Variants in SEMA6D observed in about 807,000 individuals in gnomAD.
SEMA6D encodes semaphorin-6D.
SEMA6D carries 35 observed loss-of-function variants against 106.6 expected under a neutral mutation model. The observed-to-expected ratio is 0.33, with a 90% CI of 0.25 to 0.44. The LOEUF (loss-of-function observed/expected upper bound fraction) is 0.44, where lower values mean the gene tolerates loss of function less well. Among genes scored for constraint, SEMA6D ranks in the 20% least tolerant of loss-of-function variants. SEMA6D has a pLI of 1.00. For missense variants in SEMA6D, 1,185 were observed against 1,345.9 expected (o/e 0.88, Z 1.87); for synonymous variants, 499 against 487.7 (o/e 1.02, Z -0.31).
chr15:47,734,855 A>G (rs956969454), intron 1 of SEMA6D, among the ~76,000 whole-genome samples: 1 of 152,208 alleles, frequency 6.6e-6, no homozygotes, highest in African/African-American at 2.4e-5. Flanking sequence ...TTCTTGAGAA[A>G]GTTGAGCTGT....
At chr15:47,258,782 T>A (rs1221458690) in intron 1 of SEMA6D, among the ~76,000 whole-genome samples, 2 of 152,144 alleles carry the variant, frequency 1.3e-5, no homozygotes, top group African/African-American at 2.4e-5. Context: ...CATACATATT[T>A]ATTATCATAT....
chr15:47,324,335 ATTCT>A (rs1039521896), intron 1 of SEMA6D, among the ~76,000 whole-genome samples: 4 of 152,106 alleles, frequency 2.6e-5, no homozygotes, highest in African/African-American at 9.7e-5. Flanking sequence ...TTCATTTTTC[ATTCT>A]TCCAGCAAAA....
intron 1 of SEMA6D, among the ~76,000 whole-genome samples, chr15:47,325,722 T>C (rs547545630): frequency 1.7e-4 from 26 of 152,206 alleles, no homozygotes; most frequent in African/African-American, 3.6e-4. Flanking sequence ...CCATTTACCA[T>C]ACTGTTTTCC....
At chr15:47,460,547 G>A (rs1312491242) in intron 2 of SEMA6D, among the ~76,000 whole-genome samples, 2 of 152,012 alleles carry the variant, frequency 1.3e-5, no homozygotes, top group African/African-American at 4.8e-5. Flanking sequence ...GTGTGCTTGA[G>A]GACAGTGTAT....
At chr15:47,409,554 A>G (rs1394685766) in intron 1 of SEMA6D, among the ~76,000 whole-genome samples, 2 of 152,336 alleles carry the variant, frequency 1.3e-5, no homozygotes, top group Admixed American at 6.5e-5. Flanking sequence ...TAATGTCAAG[A>G]TACCTTCCAG....
At chr15:47,349,371 G>A (rs142972895) in intron 1 of SEMA6D, among the ~76,000 whole-genome samples, 28 of 152,222 alleles carry the variant, frequency 1.8e-4, no homozygotes, top group African/African-American at 3.6e-4. Context: ...TTATTTGTTC[G>A]TCCTTCATGA....
At chr15:47,751,555 C>T (rs563029150) in intron 1 of SEMA6D, among the ~76,000 whole-genome samples, 1 of 152,182 alleles carries the variant, frequency 6.6e-6, no homozygotes, top group South Asian at 2.1e-4. Context: ...CTAGTTCCAC[C>T]CCCTCTTCTT....
chr15:47,384,017 C>G (rs2039732599), intron 1 of SEMA6D, among the ~76,000 whole-genome samples: 1 of 152,160 alleles, frequency 6.6e-6, no homozygotes, highest in African/African-American at 2.4e-5. Flanking sequence ...TCCGTTATTG[C>G]TTATACCCAG....
intron 11 of SEMA6D, 61 bp downstream of exon 11, chr15:47,764,366 T>C (rs1333705634): frequency 1.9e-6 from 3 of 1,567,032 alleles, no homozygotes; most frequent in East Asian, 4.5e-5. Context: ...ATTGGAAGCA[T>C]CCCTCCTCAG....
chr15:47,586,602 A>T (rs1249982154), intron 3 of SEMA6D, among the ~76,000 whole-genome samples: 1 of 152,192 alleles, frequency 6.6e-6, no homozygotes, highest in Non-Finnish European at 1.5e-5. Flanking sequence ...CTCATATCCT[A>T]TCATTATATA....
upstream of SEMA6D, among the ~76,000 whole-genome samples, chr15:47,715,575 G>A (rs1018985221): frequency 1.3e-5 from 2 of 152,126 alleles, no homozygotes; most frequent in African/African-American, 2.4e-5. Flanking sequence ...GATCGACTCC[G>A]AAGTCTTCAC....
chr15:47,580,172 A>G (rs2076231752), intron 3 of SEMA6D, among the ~76,000 whole-genome samples: 1 of 152,150 alleles, frequency 6.6e-6, no homozygotes, highest in South Asian at 2.1e-4. Flanking sequence ...ACTTATATGG[A>G]GCGGAGGGAC....
At chr15:47,529,603 TAAAAA>T (rs67339779) in intron 3 of SEMA6D, among the ~76,000 whole-genome samples, 1 of 135,758 alleles carries the variant, frequency 7.4e-6, no homozygotes, top group Non-Finnish European at 1.6e-5. Flanking sequence ...TCTGTAGCAC[TAAAAA>T]AAAAAAAAAA....
At chr15:47,766,254 A>G (rs1443683704) in intron 15 of SEMA6D, 72 bp downstream of exon 15, 5 of 1,343,230 alleles carry the variant, frequency 3.7e-6, no homozygotes, top group Non-Finnish European at 5.2e-6. Context: ...AAATTGCAGA[A>G]AACTTCCAAT....
chr15:47,435,713 A>G, intron 2 of SEMA6D, among the ~76,000 whole-genome samples: 1 of 152,040 alleles, frequency 6.6e-6, no homozygotes, highest in East Asian at 1.9e-4. Flanking sequence ...GAGCTTAGAC[A>G]TTTTTTAAAA....
intron 1 of SEMA6D, among the ~76,000 whole-genome samples, chr15:47,193,077 GA>G (rs1484358853): frequency 6.6e-6 from 1 of 152,166 alleles, no homozygotes; most frequent in Non-Finnish European, 1.5e-5. Flanking sequence ...TGCCCTTGCA[GA>G]AACAAAGATC....
chr15:47,267,719 C>T (rs574597727), intron 1 of SEMA6D, among the ~76,000 whole-genome samples: 1 of 152,096 alleles, frequency 6.6e-6, no homozygotes, highest in Admixed American at 6.6e-5. Context: ...ATCTTTTTAT[C>T]TGTTGTTTTA....
intron 1 of SEMA6D, among the ~76,000 whole-genome samples, chr15:47,245,357 A>G (rs530056214): frequency 1.2e-3 from 186 of 152,268 alleles, no homozygotes; most frequent in African/African-American, 4.3e-3. Flanking sequence ...AGCCTTTTTA[A>G]TAGTAGCCAT....
At chr15:47,354,438 GA>G (rs1235047989) in intron 1 of SEMA6D, among the ~76,000 whole-genome samples, 2 of 146,504 alleles carry the variant, frequency 1.4e-5, no homozygotes, top group Admixed American at 1.4e-4. Context: ...TATATATATG[GA>G]ACAAGAGACA....
Sources: gnomAD v4.1 joint callset for allele counts (sites outside exome capture counted in the v4.1 genomes callset) on GRCh38, gnomAD v4.1.1 for gene constraint, MANE v1.5 for transcripts, NCBI Gene and HGNC (gene_info 2026-07-23, HGNC 2026-07-21) for gene names.